HDLBP: variants seen among roughly 807,000 people sequenced by gnomAD.
HDLBP encodes the protein vigilin.
HDLBP carries 30 observed loss-of-function variants against 137.3 expected under a neutral mutation model. The ratio of observed to expected loss-of-function variants is 0.22; its 90% CI spans 0.16 to 0.30. HDLBP has a LOEUF of 0.30. HDLBP is among the 10% of genes least tolerant of loss of function. The pLI, the probability that HDLBP is intolerant of heterozygous loss-of-function variation, is 1.00. For synonymous variants in HDLBP, 606 were observed against 596.0 expected (o/e 1.02, Z -0.24); for missense variants, 1,119 against 1,667.3 (o/e 0.67, Z 5.73).
intron 1 of HDLBP, among the ~76,000 whole-genome samples, chr2:241,308,637 T>G (rs1049730648): frequency 6.6e-6 from 1 of 152,134 alleles, no homozygotes; most frequent in Non-Finnish European, 1.5e-5. Context: ...CAGACCTGGG[T>G]AGATGGTAGA....
intron 1 of HDLBP, among the ~76,000 whole-genome samples, chr2:241,307,070 T>C (rs1345412486): frequency 9.1e-5 from 3 of 32,902 alleles, no homozygotes; most frequent in Non-Finnish European, 1.7e-4. Context: ...TGTTTCTTTT[T>C]TGGGGGGCGG....
At chr2:241,281,671 GAT>G (rs1189397247) in intron 1 of HDLBP, among the ~76,000 whole-genome samples, 1 of 152,162 alleles carries the variant, frequency 6.6e-6, no homozygotes, top group Non-Finnish European at 1.5e-5. Flanking sequence ...AGTTTAAAAT[GAT>G]ATGTGCTGTA....
chr2:241,284,973 C>T (rs375387638), intron 1 of HDLBP, among the ~76,000 whole-genome samples: 8 of 152,196 alleles, frequency 5.3e-5, no homozygotes, highest in East Asian at 3.9e-4. Flanking sequence ...CTCCACCTCC[C>T]GGGTTCAAGT....
In HDLBP at chr2:241,272,968, G is replaced by A; in HGVS notation, c.-102-4427C>T. 1 of 968,080 alleles carries A rather than the reference G, an allele frequency of 1.0e-6. No homozygotes were observed. The highest frequency in any genetic ancestry group is 4.7e-5 in the South Asian group (1 of 21,242). The allele number at this position is 968,080 out of a possible 1,614,324, so 60.0% of individuals were successfully genotyped here. On this transcript the variant is annotated intron_variant, in intron 1 of 27. Transcript: ENST00000310931. The surrounding 1 kb of genome is among the most constrained non-coding windows in gnomAD (Gnocchi z 5.6). The stretch of plus-strand genomic sequence containing the variant: ...CAGCACCCGGGAGGCCCACCCAACT[G>A]CAGGCGTGGTTCTGCATCCTTTTTT...
intron 1 of HDLBP, among the ~76,000 whole-genome samples, chr2:241,314,246 C>CA (rs1480009310): frequency 1.3e-5 from 2 of 152,122 alleles, no homozygotes; most frequent in African/African-American, 2.4e-5. Flanking sequence ...TTTTACATGT[C>CA]AAAAAATCAA....
In HDLBP at chr2:241,270,772, A is replaced by G. The variant is rs191316778; in HGVS notation, c.-102-2231T>C. ...ACCCACGAGGGTTTAATCCTGTTCC[A>G]TGTGGATCTTTCAGCAACCCCAGGA... On this transcript the variant is annotated intron_variant, in intron 1 of 27. Transcript: ENST00000310931. 4.6e-3 allele frequency among the ~76,000 whole-genome samples: 707 copies of G among 152,260 alleles called. 3 individuals are homozygous for G. The highest frequency in any genetic ancestry group is 0.016 in the African/African-American group (678 of 41,540).
At chr2:241,245,922 G>A (rs549003378) in intron 16 of HDLBP, among the ~76,000 whole-genome samples, 3 of 152,282 alleles carry the variant, frequency 2.0e-5, no homozygotes, top group South Asian at 2.1e-4. Context: ...GAGAGGTGAC[G>A]TCAGTATTGA....
At chr2:241,297,372 G>A (rs952071244) in intron 1 of HDLBP, among the ~76,000 whole-genome samples, 2 of 152,156 alleles carry the variant, frequency 1.3e-5, no homozygotes, top group African/African-American at 2.4e-5. Context: ...GTTGGGAAAC[G>A]GAGTTATCCA....
intron 1 of HDLBP, among the ~76,000 whole-genome samples, chr2:241,304,539 A>G (rs2075505729): frequency 6.6e-6 from 1 of 152,262 alleles, no homozygotes; most frequent in South Asian, 2.1e-4. Context: ...GTGAGTGCCT[A>G]AATGGCTTTA....
chr2:241,272,526 G>A lies in HDLBP; in HGVS notation c.-102-3985C>T. ...GCGCGCCCCTCCGCGCCACGGCCAC[G>A]CGCAGAAGAGACTCGGAGCCGGCCC... On this transcript the variant is annotated intron_variant, in intron 1 of 27. Coordinates refer to ENST00000310931, the MANE Select transcript of HDLBP (RefSeq NM_005336.6). The surrounding 1 kb of genome is among the most constrained non-coding windows in gnomAD (Gnocchi z 5.6). 1 of 984,520 alleles carries A rather than the reference G, an allele frequency of 1.0e-6. No homozygotes were observed. Among genetic ancestry groups the A allele is most frequent in the Non-Finnish European group, 1.2e-6 (1 of 829,648 alleles). The allele number at this position is 984,520 out of a possible 1,614,324, so 61.0% of individuals were successfully genotyped here. A position where few individuals can be genotyped will look rare whatever the true frequency, so the allele number is the denominator to read the frequency against.
intron 7 of HDLBP, among the ~76,000 whole-genome samples, chr2:241,255,853 G>A (rs539499408): frequency 3.9e-5 from 6 of 152,304 alleles, no homozygotes; most frequent in Admixed American, 2.6e-4. Flanking sequence ...TAAGGAACAC[G>A]TTTCAGACCT....
At chr2:241,232,102 C>G (rs2069831661) in intron 24 of HDLBP, among the ~76,000 whole-genome samples, 1 of 152,176 alleles carries the variant, frequency 6.6e-6, no homozygotes, top group Non-Finnish European at 1.5e-5. Flanking sequence ...CAGCCCCACC[C>G]ACCGTGGCCC....
At chr2:241,280,082 G>C in intron 1 of HDLBP, 1 of 985,370 alleles carries the variant, frequency 1.0e-6, no homozygotes, top group Non-Finnish European at 1.2e-6. Context: ...CAGTCTTATA[G>C]GAAGTTATTG....
At chr2:241,241,623 C>T (rs914668131) in intron 17 of HDLBP, among the ~76,000 whole-genome samples, 3 of 132,634 alleles carry the variant, frequency 2.3e-5, no homozygotes, top group East Asian at 2.2e-4. Context: ...CAGTGACTGG[C>T]GCTAATATAC....
chr2:241,277,226 A>C (rs1245762467), intron 1 of HDLBP, among the ~76,000 whole-genome samples: 4 of 152,172 alleles, frequency 2.6e-5, no homozygotes, highest in African/African-American at 7.2e-5. Flanking sequence ...TTGTAACTTT[A>C]AGCCATCCTA....
Position 241,266,846 on chromosome 2 carries a change from G to A in HDLBP, c.24C>T (p.Thr8=). The part of the protein sequence containing the change: MSSVAVL[T]QESFAEHRSG... Reference sequence around the variant, plus strand: ...TTCGGTGTTCAGCAAAACTCTCTTGGGTCAAAACTGCAACGGAACTCATGG... The same window carrying A: ...TTCGGTGTTCAGCAAAACTCTCTTGAGTCAAAACTGCAACGGAACTCATGG... The change falls in exon 3 of 28, where the codon ACC becomes ACT. Residue 8 remains threonine, a synonymous_variant. Transcript: ENST00000310931. The A allele has an allele frequency of 1.2e-6, 2 of 1,614,066 alleles. No individual in the cohort carries two copies. The highest frequency in any genetic ancestry group is 1.7e-6 in the Non-Finnish European group (2 of 1,179,972).
intron 1 of HDLBP, chr2:241,271,177 T>G (rs1012021791): frequency 1.0e-6 from 1 of 972,978 alleles, no homozygotes; most frequent in Middle Eastern, 5.2e-4. Flanking sequence ...ATGGCCCCAG[T>G]CCCTTCGTGA....
rs955895221 is a variant in HDLBP at position 241,272,861 on chromosome 2, T to C, written c.-102-4320A>G. ...CGCGGCGCCCGGGCCCCGGCTGCTATATAGGGCGGCGGCCCAATCCCGCCT... is the reference window on the plus strand; with the variant it reads ...CGCGGCGCCCGGGCCCCGGCTGCTACATAGGGCGGCGGCCCAATCCCGCCT... On this transcript the variant is annotated intron_variant, in intron 1 of 27. Coordinates refer to ENST00000310931, the MANE Select transcript of HDLBP (RefSeq NM_005336.6). This position sits in a 1 kb window ranked among gnomAD's most constrained non-coding sequence, Gnocchi z 5.6. 3 of 315,290 alleles carry C rather than the reference T, an allele frequency of 9.5e-6. No individual in the cohort carries two copies. Among genetic ancestry groups the C allele is most frequent in the African/African-American group, 4.5e-5 (2 of 44,136 alleles). 19.5% of individuals were successfully genotyped at this position (315,290 alleles called of 1,614,324 possible).
Position 241,233,727 on chromosome 2 carries a change from C to T in HDLBP, c.3288+93G>A. The T allele has an allele frequency of 7.0e-7, 1 of 1,438,752 alleles. No individual in the cohort carries two copies. 89.1% of individuals were successfully genotyped at this position (1,438,752 alleles called of 1,614,324 possible). ...TGCCACTCTCAACTTGGCCCTCGAA[C>T]CCCCATCTAGGCACATCTGGTTACT... On this transcript the variant is annotated intron_variant, in intron 24 of 27. Coordinates refer to ENST00000310931, the MANE Select transcript of HDLBP (RefSeq NM_005336.6). The surrounding 1 kb of genome is among the most constrained non-coding windows in gnomAD (Gnocchi z 4.3).
Sources: allele counts gnomAD v4.1 joint callset (sites outside exome capture counted in the v4.1 genomes callset), GRCh38; gene constraint gnomAD v4.1.1; non-coding constraint Gnocchi (gnomAD v3.1); transcripts MANE v1.5; gene names NCBI Gene and HGNC (gene_info 2026-07-23, HGNC 2026-07-21).